The following FBXW11 variants were observed in gnomAD, a reference collection of about 807,000 sequenced individuals.
FBXW11 encodes F-box/WD repeat-containing protein 11.
In FBXW11, 19 loss-of-function variants were observed where a neutral mutation model predicts 77.6. That is an observed-to-expected ratio of 0.24 (90% confidence interval 0.17 to 0.36). The LOEUF is 0.36. Ranked by LOEUF, FBXW11 falls within the 10% of genes least tolerant of loss-of-function variation. The probability of loss-of-function intolerance (pLI) is 1.00; values close to 1 mark genes in which losing one functional copy is unlikely to be tolerated. For synonymous variants in FBXW11, 235 were observed against 249.4 expected (o/e 0.94, Z 0.54); for missense variants, 334 against 704.2 (o/e 0.47, Z 5.95).
At chr5:171,933,657 T>G (rs1303786748) in intron 2 of FBXW11, among the ~76,000 whole-genome samples, 3 of 152,138 alleles carry the variant, frequency 2.0e-5, no homozygotes, top group Non-Finnish European at 4.4e-5. Flanking sequence ...AGAAAAGAAT[T>G]TTTAATAACA....
chr5:171,929,946 C>T (rs1010845891), intron 2 of FBXW11, among the ~76,000 whole-genome samples: 16 of 152,216 alleles, frequency 1.1e-4, no homozygotes, highest in African/African-American at 3.4e-4. Flanking sequence ...AATGAAGCTA[C>T]GTAAAGCTCA....
chr5:171,872,389 G>GT (rs1757809191), intron 10 of FBXW11, among the ~76,000 whole-genome samples: 1 of 152,184 alleles, frequency 6.6e-6, no homozygotes, highest in Admixed American at 6.5e-5. Context: ...GATGTTCTTA[G>GT]TAAGATACAA....
At chr5:171,965,895 G>A (rs1164603625) in intron 1 of FBXW11, among the ~76,000 whole-genome samples, 1 of 152,052 alleles carries the variant, frequency 6.6e-6, no homozygotes, top group Non-Finnish European at 1.5e-5. Flanking sequence ...GTTGACTCAT[G>A]GGGGTAGACG....
chr5:171,965,924 C>T (rs538910273), intron 1 of FBXW11, among the ~76,000 whole-genome samples: 1 of 152,016 alleles, frequency 6.6e-6, no homozygotes, highest in Admixed American at 6.6e-5. Context: ...GCTGTTCTCG[C>T]GATAGTGAGT....
intron 1 of FBXW11, among the ~76,000 whole-genome samples, chr5:171,973,919 T>G (rs1042626570): frequency 1.3e-5 from 2 of 152,212 alleles, no homozygotes; most frequent in East Asian, 3.8e-4. Context: ...TTATTAGTTT[T>G]TTAGATGCAA....
At chr5:171,893,437 A>AAAAAAAAAAAAAAAAAAC (rs1561656944) in intron 6 of FBXW11, among the ~76,000 whole-genome samples, 2 of 146,996 alleles carry the variant, frequency 1.4e-5, no homozygotes, top group Non-Finnish European at 1.5e-5. Context: ...AAAAAAAAAA[A>AAAAAAAAAAAAAAAAAAC]AAAAAAAAAA....
At chr5:171,936,970 G>C (rs1422633257) in intron 2 of FBXW11, among the ~76,000 whole-genome samples, 1 of 152,198 alleles carries the variant, frequency 6.6e-6, no homozygotes, top group Non-Finnish European at 1.5e-5. Context: ...ACAATTTATA[G>C]AGCTTCTGGC....
chr5:171,948,382 T>C (rs1159617436), intron 2 of FBXW11, among the ~76,000 whole-genome samples: 2 of 151,920 alleles, frequency 1.3e-5, no homozygotes, highest in East Asian at 1.9e-4. Context: ...AGTGAGATTA[T>C]GATTGACTGG....
At chr5:171,877,571 A>T (rs1758176238) in intron 8 of FBXW11, among the ~76,000 whole-genome samples, 1 of 152,114 alleles carries the variant, frequency 6.6e-6, no homozygotes, top group Admixed American at 6.5e-5. Flanking sequence ...CAGGCCTCTG[A>T]GGCTGAGACA....
At chr5:171,972,303 C>T (rs936472772) in intron 1 of FBXW11, among the ~76,000 whole-genome samples, 1 of 145,660 alleles carries the variant, frequency 6.9e-6, no homozygotes, top group East Asian at 2.0e-4. Flanking sequence ...CACAATGAGA[C>T]CTCGTCTCTA....
intron 4 of FBXW11, among the ~76,000 whole-genome samples, chr5:171,908,427 T>C (rs1760667822): frequency 1.3e-5 from 2 of 152,198 alleles, no homozygotes; most frequent in African/African-American, 4.8e-5. Flanking sequence ...ACCACCACTA[T>C]AATCAAGATG....
chr5:171,881,393 A>G (rs1192630692), intron 7 of FBXW11, among the ~76,000 whole-genome samples: 2 of 152,170 alleles, frequency 1.3e-5, no homozygotes, highest in South Asian at 2.1e-4. Context: ...CCCTCTATTC[A>G]TAGTTTACTA....
rs769807776 is a variant in FBXW11 at position 172,006,494 on chromosome 5, G to T, written c.9C>A (p.Pro3=). The T allele has an allele frequency of 6.5e-7, 1 of 1,526,862 alleles. No homozygotes were observed. The highest frequency in any genetic ancestry group is 2.7e-5 in the East Asian group (1 of 36,880). The allele number at this position is 1,526,862 out of a possible 1,614,324, so 94.6% of individuals were successfully genotyped here. A position where few individuals can be genotyped will look rare whatever the true frequency, so the allele number is the denominator to read the frequency against. ME[P]DSVIEDKTIE... ...TGGTCTTGTCCTCAATCACCGAGTC[G>T]GGCTCCATGGCGGCCCCGGCGGCCC... Residue 3 remains proline, a synonymous_variant, in exon 1 of 14, where the codon CCC becomes CCA. Coordinates refer to ENST00000517395, the MANE Select transcript of FBXW11 (RefSeq NM_001378974.1).
chr5:171,987,663 G>A (rs1373864843), intron 1 of FBXW11, among the ~76,000 whole-genome samples: 3 of 152,094 alleles, frequency 2.0e-5, no homozygotes, highest in African/African-American at 4.8e-5. Flanking sequence ...ATGTTGGTCA[G>A]TCTGGTCTCA....
At chr5:171,977,854 C>G in intron 1 of FBXW11, 1 of 226,892 alleles carries the variant, frequency 4.4e-6, no homozygotes, top group Non-Finnish European at 9.1e-6. Flanking sequence ...GGGGTCCCTC[C>G]CACAACACAT....
chr5:171,979,228 G>C (rs1356362111), intron 1 of FBXW11, among the ~76,000 whole-genome samples: 1 of 152,122 alleles, frequency 6.6e-6, no homozygotes, highest in African/African-American at 2.4e-5. Context: ...AACTGAGGTG[G>C]ATCACTTGAG....
rs1412207757 is a variant in FBXW11, at chr5:171,914,377, T to C, written c.176A>G (p.Glu59Gly). The change falls in exon 3 of 14, where the codon GAA (glutamate) becomes GGA (glycine). Residue 59 changes from glutamate to glycine, a missense_variant. By Grantham distance (98) the Glu-to-Gly change is moderately conservative. Coordinates refer to ENST00000517395, the MANE Select transcript of FBXW11 (RefSeq NM_001378974.1). Reference protein sequence around the residue: ...QNTSVMEDQNEDESPKKNTLW... With the variant: ...QNTSVMEDQNGDESPKKNTLW... Reference sequence around the variant, plus strand: ...AGTATTTTTCTTTGGGGACTCATCTTCATTTTGATCTTCCATAACTGAAGT... The same window carrying C: ...AGTATTTTTCTTTGGGGACTCATCTCCATTTTGATCTTCCATAACTGAAGT... The C allele has an allele frequency of 1.2e-6, 2 of 1,606,356 alleles. No homozygotes were observed. Among genetic ancestry groups the C allele is most frequent in the South Asian group, 2.2e-5 (2 of 89,274 alleles).
In FBXW11 at chr5:171,903,544, A is replaced by C. The variant is rs189260318; in HGVS notation, c.437-3444T>G. Among the ~76,000 whole-genome samples the C allele has an allele frequency of 5.9e-5, 9 of 152,256 alleles. No individual in the cohort carries two copies. The East Asian group carries it at 1.7e-3, about 29-fold the overall frequency. On this transcript the variant is annotated intron_variant, in intron 4 of 13. Transcript: ENST00000517395. ...CAGAATCCGTCAGCCTTCTTTTATCACATTTTTGTTCAGTCTCTAGCCGTG... is the reference window on the plus strand; with the variant it reads ...CAGAATCCGTCAGCCTTCTTTTATCCCATTTTTGTTCAGTCTCTAGCCGTG...
chr5:171,998,248 G>A (rs1249222703), intron 1 of FBXW11, among the ~76,000 whole-genome samples: 1 of 151,652 alleles, frequency 6.6e-6, no homozygotes, highest in Admixed American at 6.6e-5. Flanking sequence ...CATCCTGAAA[G>A]GGTAATTCCC....
Sources: allele counts gnomAD v4.1 joint callset (sites outside exome capture counted in the v4.1 genomes callset), GRCh38; gene constraint gnomAD v4.1.1; transcripts MANE v1.5; gene names NCBI Gene and HGNC (gene_info 2026-07-23, HGNC 2026-07-21).